Variants in SORT1 observed in about 807,000 individuals in gnomAD.
SORT1 encodes the protein sortilin 1, also known as sortilin.
In SORT1, 39 loss-of-function variants were observed where a neutral mutation model predicts 101.7. The ratio of observed to expected loss-of-function variants is 0.38; its 90% confidence interval spans 0.30 to 0.50. The LOEUF is 0.50. Ranked by LOEUF, SORT1 falls within the 20% of genes least tolerant of loss-of-function variation. The pLI is 0.90. For missense variants in SORT1, 878 were observed against 1,040.4 expected, an observed-to-expected ratio of 0.84 and a Z score of 2.15; for synonymous variants, 396 against 393.7, an observed-to-expected ratio of 1.01 and a Z score of -0.07.
At chr1:109,316,778 T>C in intron 17 of SORT1, 72 bp downstream of exon 17, 1 of 1,001,800 alleles carries the variant, frequency 1.0e-6, no homozygotes, top group Non-Finnish European at 1.5e-6. Flanking sequence ...CTCTTGATGC[T>C]TTAACTTTGA....
Position 109,314,388 on chromosome 1 carries a change from T to A in SORT1, c.2358-4A>T, listed in dbSNP as rs764540907. The A allele has an allele frequency of 6.2e-7, 1 of 1,613,624 alleles. No homozygotes were observed. Among genetic ancestry groups the A allele is most frequent in the South Asian group, 1.1e-5 (1 of 91,022 alleles). ...AGAGTATCGATGCACCAGGAACCTG[T>A]GAACAGAAACCTCCTTAACACTCGG... On this transcript the variant is annotated splice_polypyrimidine_tract_variant and splice_region_variant and intron_variant, in intron 18 of 19. Transcript: ENST00000256637.
chr1:109,354,148 C>T (rs1370512864), intron 5 of SORT1, among the ~76,000 whole-genome samples: 2 of 152,124 alleles, frequency 1.3e-5, no homozygotes, highest in African/African-American at 4.8e-5. Context: ...AAAAAAATTA[C>T]AGTGACAACT....
intron 17 of SORT1, among the ~76,000 whole-genome samples, chr1:109,315,173 T>C (rs1248579445): frequency 1.3e-5 from 2 of 152,190 alleles, no homozygotes; most frequent in Non-Finnish European, 2.9e-5. Context: ...GGCCATTATC[T>C]GGGAAGAAGC....
intron 1 of SORT1, among the ~76,000 whole-genome samples, chr1:109,377,187 C>T (rs1034702374): frequency 1.3e-5 from 2 of 152,146 alleles, no homozygotes; most frequent in Admixed American, 1.3e-4. Flanking sequence ...GTAAACTATA[C>T]ATGTAGAACT....
chr1:109,324,791 T>C (rs1647877013), intron 14 of SORT1, 108 bp downstream of exon 14: 2 of 704,020 alleles, frequency 2.8e-6, no homozygotes, highest in South Asian at 2.0e-5. Flanking sequence ...TCCTCTTTCA[T>C]ATGCATATGC....
chr1:109,385,432 GT>G (rs889594966), intron 1 of SORT1, among the ~76,000 whole-genome samples: 31 of 152,216 alleles, frequency 2.0e-4, no homozygotes, highest in Admixed American at 1.5e-3. Context: ...GGTAGGCTTA[GT>G]TTTTGAAAGT....
chr1:109,382,189 G>C (rs1049001481), intron 1 of SORT1, among the ~76,000 whole-genome samples: 1 of 152,156 alleles, frequency 6.6e-6, no homozygotes, highest in African/African-American at 2.4e-5. Context: ...AGGCTGGAGT[G>C]CAATGGCATG....
At chr1:109,351,433 G>C (rs1649952052) in intron 5 of SORT1, among the ~76,000 whole-genome samples, 1 of 152,254 alleles carries the variant, frequency 6.6e-6, no homozygotes, top group South Asian at 2.1e-4. Context: ...GGTGCACTGA[G>C]TTTTAAATGA....
rs72646564 is a variant in SORT1 at position 109,347,382 on chromosome 1, G to C, written c.832+101C>G. The C allele has an allele frequency of 4.3e-4, 320 of 748,572 alleles. No homozygotes were observed. In the African/African-American group the frequency reaches 4.9e-3, roughly 11 times the overall value. The allele number at this position is 748,572 out of a possible 1,614,324, so 46.4% of individuals were successfully genotyped here. On this transcript the variant is annotated intron_variant, in intron 7 of 19. Coordinates refer to ENST00000256637, the MANE Select transcript of SORT1 (RefSeq NM_002959.7). Reference sequence around the variant, plus strand: ...CTTTCTTTAGCTATTACAATTTCAGGAGAATGGAGGGACCTTTTATGTTTC... The same window carrying C: ...CTTTCTTTAGCTATTACAATTTCAGCAGAATGGAGGGACCTTTTATGTTTC...
intron 11 of SORT1, among the ~76,000 whole-genome samples, chr1:109,328,510 T>C (rs569963022): frequency 1.7e-4 from 26 of 152,346 alleles, no homozygotes; most frequent in African/African-American, 6.3e-4. Flanking sequence ...TGCTTGTTAG[T>C]CACTTCTATA....
At chr1:109,360,894 T>C (rs888845820) in intron 3 of SORT1, among the ~76,000 whole-genome samples, 1 of 152,198 alleles carries the variant, frequency 6.6e-6, no homozygotes, top group East Asian at 1.9e-4. Context: ...AGATTACACA[T>C]ACGCAACTGA....
intron 11 of SORT1, among the ~76,000 whole-genome samples, chr1:109,331,724 CAGAA>C (rs1489405822): frequency 1.3e-5 from 2 of 151,742 alleles, no homozygotes; most frequent in Admixed American, 1.3e-4. Flanking sequence ...GCATCCAAAC[CAGAA>C]AGAAAGAGGT....
chr1:109,318,392 C>A (rs763469303), intron 15 of SORT1, among the ~76,000 whole-genome samples: 1 of 152,122 alleles, frequency 6.6e-6, no homozygotes, highest in East Asian at 1.9e-4. Context: ...CCTTGTGATA[C>A]GCCCACCTCG....
intron 9 of SORT1, 43 bp downstream of exon 9, chr1:109,341,971 A>C (rs1486940101): frequency 1.9e-6 from 3 of 1,583,796 alleles, no homozygotes; most frequent in East Asian, 2.2e-5. Flanking sequence ...CTCAAAGCTT[A>C]CATCTCTATG....
At position 109,323,081 on chromosome 1, in the gene SORT1, T is replaced by C. The variant is rs1420992984; in HGVS notation, c.1875A>G (p.Thr625=). 12 of 1,614,080 alleles carry C rather than the reference T, an allele frequency of 7.4e-6. No individual in the cohort carries two copies. Among genetic ancestry groups the C allele is most frequent in the Non-Finnish European group, 9.3e-6 (11 of 1,180,016 alleles). Residue 625 remains threonine, a synonymous_variant, in exon 15 of 20, where the codon ACA becomes ACG. Transcript: ENST00000256637. Reference sequence around the variant, plus strand: ...AGCCATCTTCATAATCTTCAGGGTCTGTGGAGTGTGCCAGCCATATGGTAT... The same window carrying C: ...AGCCATCTTCATAATCTTCAGGGTCCGTGGAGTGTGCCAGCCATATGGTAT... ...KDYTIWLAHS[T]DPEDYEDGCI... is the part of the protein sequence containing the mutation.
At position 109,312,631 on chromosome 1, in the gene SORT1, GTAGCTACA is replaced by G. The variant is rs963495139; in HGVS notation, c.*1404_*1411del. 6.6e-6 allele frequency: 1 copy of G among 152,496 alleles called. No individual in the cohort carries two copies. The highest frequency in any genetic ancestry group is 2.4e-5 in the African/African-American group (1 of 41,382). The allele number at this position is 152,496 out of a possible 1,614,324, so 9.4% of individuals were successfully genotyped here. A position where few individuals can be genotyped will look rare whatever the true frequency, so the allele number is the denominator to read the frequency against. ...ATTGGGAGAAACTGTGACCCGCACA[GTAGCTACA>G]TTAAGACCAAAAACTTTCCATACTA... On this transcript the variant is annotated 3_prime_UTR_variant, in exon 20 of 20. Transcript: ENST00000256637.
At chr1:109,322,026 T>C (rs907216172) in intron 15 of SORT1, among the ~76,000 whole-genome samples, 2 of 152,156 alleles carry the variant, frequency 1.3e-5, no homozygotes, top group African/African-American at 4.8e-5. Flanking sequence ...CTCTCTGCCT[T>C]GATTCTTGCA....
At chr1:109,397,293 C>A (rs1653237719) in intron 1 of SORT1, 1 of 153,358 alleles carries the variant, frequency 6.5e-6, no homozygotes, top group Admixed American at 6.5e-5. Context: ...GTTACTGGGT[C>A]CTGATTATTT....
chr1:109,317,582 T>C (rs1049741315), intron 16 of SORT1, among the ~76,000 whole-genome samples: 3 of 152,094 alleles, frequency 2.0e-5, no homozygotes, highest in African/African-American at 7.2e-5. Context: ...CTGGGGGTGG[T>C]TGGGCGGGAG....
Sources: allele counts gnomAD v4.1 joint callset (sites outside exome capture counted in the v4.1 genomes callset), GRCh38; gene constraint gnomAD v4.1.1; transcripts MANE v1.5; gene names NCBI Gene and HGNC (gene_info 2026-07-23, HGNC 2026-07-21).